The following KAZN variants were observed in gnomAD, a reference collection of about 807,000 sequenced individuals.
KAZN encodes the protein kazrin.
A neutral mutation model predicts 87.4 loss-of-function variants in KAZN; 40 were observed. The observed-to-expected ratio is 0.46, with a 90% CI of 0.36 to 0.60. The LOEUF is 0.60. KAZN is among the 20% of genes least tolerant of loss of function. The pLI is 0.00. For synonymous variants in KAZN, 466 were observed against 458.3 expected, an observed-to-expected ratio of 1.02 and a Z score of -0.22; for missense variants, 898 against 1,073.9, an observed-to-expected ratio of 0.84 and a Z score of 2.29.
intron 1 of KAZN, among the ~76,000 whole-genome samples, chr1:14,641,552 A>G (rs549355938): frequency 6.6e-5 from 10 of 152,256 alleles, no homozygotes; most frequent in African/African-American, 2.4e-4. Context: ...CTGTGCCTCA[A>G]GGTGGTGCTC....
At chr1:13,974,646 C>T (rs1263592304) in intron 1 of KAZN, among the ~76,000 whole-genome samples, 1 of 152,140 alleles carries the variant, frequency 6.6e-6, no homozygotes, top group African/African-American at 2.4e-5. Flanking sequence ...TCAAGGAATG[C>T]CTGGGGTTGC....
At chr1:15,032,296 C>T (rs1349820922) in intron 2 of KAZN, among the ~76,000 whole-genome samples, 4 of 150,162 alleles carry the variant, frequency 2.7e-5, no homozygotes, top group Non-Finnish European at 5.9e-5. Flanking sequence ...AGGTTCACGC[C>T]ATTCTCCTGC....
chr1:14,068,314 G>A (rs1414081891), intron 1 of KAZN, among the ~76,000 whole-genome samples: 2 of 152,174 alleles, frequency 1.3e-5, no homozygotes, highest in Admixed American at 1.3e-4. Context: ...GTACAAGCAA[G>A]TTTAAATGTT....
At chr1:15,034,402 T>G (rs1672041885) in intron 2 of KAZN, among the ~76,000 whole-genome samples, 1 of 152,226 alleles carries the variant, frequency 6.6e-6, no homozygotes, top group African/African-American at 2.4e-5. Context: ...TGAGGCCCTG[T>G]CCGATTCCTG....
At chr1:14,594,086 C>T (rs2473630), upstream of KAZN, among the ~76,000 whole-genome samples, 2 of 152,268 alleles carry the variant, frequency 1.3e-5, no homozygotes, top group Middle Eastern at 3.4e-3. Flanking sequence ...GACCAAATAG[C>T]GTCATTCAAT....
chr1:14,725,576 T>C (rs1018215167), intron 1 of KAZN, among the ~76,000 whole-genome samples: 1 of 151,988 alleles, frequency 6.6e-6, no homozygotes, highest in Non-Finnish European at 1.5e-5. Flanking sequence ...ATAACAGCCA[T>C]GTTATCACTG....
At chr1:14,415,477 T>G (rs966230392) in intron 2 of KAZN, among the ~76,000 whole-genome samples, 2 of 152,168 alleles carry the variant, frequency 1.3e-5, no homozygotes, top group Non-Finnish European at 2.9e-5. Context: ...TCCAGCTGAT[T>G]TCCAACAAAC....
intron 1 of KAZN, among the ~76,000 whole-genome samples, chr1:14,960,427 T>C (rs1299057637): frequency 6.6e-6 from 1 of 152,154 alleles, no homozygotes; most frequent in Non-Finnish European, 1.5e-5. Context: ...ACACTCTGAG[T>C]GCAGGACAGC....
At chr1:14,931,732 A>G (rs768789203) in intron 1 of KAZN, among the ~76,000 whole-genome samples, 6 of 152,164 alleles carry the variant, frequency 3.9e-5, no homozygotes, top group Non-Finnish European at 7.3e-5. Flanking sequence ...TTTTTAGAGT[A>G]AGAAACCCAG....
intron 1 of KAZN, among the ~76,000 whole-genome samples, chr1:14,643,152 A>G (rs2148679131): frequency 6.6e-6 from 1 of 152,346 alleles, no homozygotes; most frequent in Non-Finnish European, 1.5e-5. Flanking sequence ...TCCACAATAA[A>G]AAGGAATGGA....
chr1:14,940,134 T>C (rs925750160), intron 1 of KAZN, among the ~76,000 whole-genome samples: 2 of 152,012 alleles, frequency 1.3e-5, no homozygotes, highest in Non-Finnish European at 2.9e-5. Context: ...GTGGGCGGGG[T>C]ACTTGGTATA....
intron 1 of KAZN, among the ~76,000 whole-genome samples, chr1:14,057,682 G>C (rs113857088): frequency 6.6e-6 from 1 of 152,206 alleles, no homozygotes; most frequent in Non-Finnish European, 1.5e-5. Flanking sequence ...CTAAGGCCCC[G>C]ATAGGAGAGC....
In KAZN at chr1:14,949,553, T is replaced by C. The variant is rs1662234951; in HGVS notation, c.227-11131T>C. 6.6e-6 allele frequency among the ~76,000 whole-genome samples: 1 copy of C among 152,208 alleles called. No individual in the cohort carries two copies. Among genetic ancestry groups the C allele is most frequent in the Non-Finnish European group, 1.5e-5 (1 of 68,040 alleles). On this transcript the variant is annotated intron_variant, in intron 1 of 14. Coordinates refer to ENST00000376030, the MANE Select transcript of KAZN (RefSeq NM_201628.3). This position sits in a 1 kb window ranked among gnomAD's most constrained non-coding sequence, Gnocchi z 4.3. ...TCCCACCCCCACCCAGATGGTGTTTTTCGAGATTCACATTCCTCCTGGTGC... is the reference window on the plus strand; with the variant it reads ...TCCCACCCCCACCCAGATGGTGTTTCTCGAGATTCACATTCCTCCTGGTGC...
At chr1:14,363,134 A>C (rs978898686) in intron 2 of KAZN, among the ~76,000 whole-genome samples, 4 of 152,126 alleles carry the variant, frequency 2.6e-5, no homozygotes, top group Non-Finnish European at 4.4e-5. Flanking sequence ...TTTAAACGAA[A>C]TCCAATTCAG....
chr1:14,312,413 C>T (rs1655367329), intron 2 of KAZN, among the ~76,000 whole-genome samples: 1 of 152,078 alleles, frequency 6.6e-6, no homozygotes, highest in South Asian at 2.1e-4. Context: ...TAGATACAAC[C>T]ATTCTAGGAA....
rs1651646737 is a variant in KAZN at position 14,268,210 on chromosome 1, T to C, written c.249+87618T>C. ...AGAAGGTTGCAAGGCTTAAGGAAGT[T>C]AATATATGTGAAGATATTTGCACAG... On this transcript the variant is annotated intron_variant, in intron 2 of 16. Transcript: ENST00000636203. Among the ~76,000 whole-genome samples the C allele has an allele frequency of 2.0e-5, 3 of 152,166 alleles. No homozygotes were observed. In the South Asian group the frequency reaches 6.2e-4, roughly 32 times the overall value.
chr1:15,072,484 T>A (rs1031993178), intron 8 of KAZN, among the ~76,000 whole-genome samples: 1 of 152,224 alleles, frequency 6.6e-6, no homozygotes, highest in Non-Finnish European at 1.5e-5. Context: ...GACAGCATTC[T>A]GTCTTTCTGA....
intron 1 of KAZN, among the ~76,000 whole-genome samples, chr1:14,821,520 A>G (rs1646737211): frequency 6.6e-6 from 1 of 151,890 alleles, no homozygotes; most frequent in South Asian, 2.1e-4. Context: ...CTCTGAAAAA[A>G]AAAAAAAAGA....
rs79508522 is a variant in KAZN at position 14,062,367 on chromosome 1, A to G, written c.92-118068A>G. 3.8e-3 allele frequency among the ~76,000 whole-genome samples: 585 copies of G among 152,296 alleles called. 3 individuals are homozygous for G. The highest frequency in any genetic ancestry group is 0.013 in the African/African-American group (551 of 41,564). ...TAAGGAGAATCAGCCATCCTACTTG[A>G]GGCACTACACTGTGCAAAAGAGGGT... On this transcript the variant is annotated intron_variant, in intron 1 of 16. Transcript: ENST00000636203.
Sources: gnomAD v4.1 joint callset for allele counts (sites outside exome capture counted in the v4.1 genomes callset) on GRCh38, gnomAD v4.1.1 for gene constraint, Gnocchi (gnomAD v3.1) non-coding constraint, MANE v1.5 for transcripts, NCBI Gene and HGNC (gene_info 2026-07-23, HGNC 2026-07-21) for gene names.